PCDHGA3: variants seen among roughly 807,000 people sequenced by gnomAD.
PCDHGA3 encodes protocadherin gamma-A3.
In PCDHGA3, 40 loss-of-function variants were observed where a neutral mutation model predicts 58.5. The observed-to-expected ratio is 0.68, with a 90% CI of 0.53 to 0.89. PCDHGA3 has a LOEUF of 0.89. Ranked by LOEUF, PCDHGA3 falls within the 40% of genes least tolerant of loss-of-function variation. The probability of loss-of-function intolerance (pLI) is 0.00; values close to 1 mark genes in which losing one functional copy is unlikely to be tolerated. For synonymous variants in PCDHGA3, 530 were observed against 525.7 expected, an observed-to-expected ratio of 1.01 and a Z score of -0.11; for missense variants, 1,223 against 1,195.9, an observed-to-expected ratio of 1.02 and a Z score of -0.33.
At chr5:141,413,716 C>T in intron 1 of PCDHGA3, 2 of 1,613,608 alleles carry the variant, frequency 1.2e-6, no homozygotes, top group Non-Finnish European at 1.7e-6. Flanking sequence ...CCCCAATAAG[C>T]ACTTCTCCCT....
At chr5:141,423,354 C>A in intron 1 of PCDHGA3, 1 of 1,614,202 alleles carries the variant, frequency 6.2e-7, no homozygotes. Context: ...TGGTCTTTGT[C>A]ATCGTGCTGC....
chr5:141,429,387 TAA>T (rs11410533), intron 1 of PCDHGA3, among the ~76,000 whole-genome samples: 155 of 151,446 alleles, frequency 1.0e-3, no homozygotes, highest in African/African-American at 3.5e-3. Flanking sequence ...GTTTTTTTTT[TAA>T]AAAAAATTGA....
chr5:141,350,561 C>G (rs1208651808), intron 1 of PCDHGA3: 1 of 1,614,010 alleles, frequency 6.2e-7, no homozygotes. Flanking sequence ...TGAGTGTGCA[C>G]TAGAATTCGA....
chr5:141,473,431 G>A (rs541546681), intron 1 of PCDHGA3, among the ~76,000 whole-genome samples: 10 of 152,266 alleles, frequency 6.6e-5, no homozygotes, highest in Non-Finnish European at 1.3e-4. Flanking sequence ...CAGATACTTT[G>A]CTTATGCAAA....
At chr5:141,427,733 C>T (rs2097062553) in intron 1 of PCDHGA3, 2 of 1,200,562 alleles carry the variant, frequency 1.7e-6, no homozygotes, top group East Asian at 4.7e-5. Context: ...GGCTGAATGG[C>T]CAAGTCTCCT....
rs73279071 is a variant in PCDHGA3 at position 141,386,620 on chromosome 5, C to G, written c.2424+40163C>G. 8.3e-3 allele frequency among the ~76,000 whole-genome samples: 1,265 copies of G among 151,666 alleles called. 17 individuals carry two copies. The highest frequency in any genetic ancestry group is 0.029 in the African/African-American group (1,203 of 41,334). On this transcript the variant is annotated intron_variant, in intron 1 of 3. Transcript: ENST00000253812. ...ATTTTTTTTTTTTGACATGGAGTCTCGCTCTGTCACCCAGGCTGGATACAT... is the reference window on the plus strand; with the variant it reads ...ATTTTTTTTTTTTGACATGGAGTCTGGCTCTGTCACCCAGGCTGGATACAT...
intron 1 of PCDHGA3, chr5:141,376,519 T>C (rs1281722134): frequency 1.2e-6 from 2 of 1,613,930 alleles, no homozygotes; most frequent in Non-Finnish European, 1.7e-6. Context: ...TGAGTTTCTT[T>C]CCGCCTAAGC....
At chr5:141,419,741 A>G (rs769795920) in intron 1 of PCDHGA3, 1 of 1,613,856 alleles carries the variant, frequency 6.2e-7, no homozygotes. Context: ...CGAGGTGCGC[A>G]TGGTGCGTGC....
At chr5:141,356,667 C>CGG in intron 1 of PCDHGA3, 1 of 1,614,038 alleles carries the variant, frequency 6.2e-7, no homozygotes, top group Non-Finnish European at 8.5e-7. Context: ...GAATCACTTA[C>CGG]TCCCTGGCCG....
chr5:141,441,823 C>A (rs538052540), intron 1 of PCDHGA3: 6 of 357,336 alleles, frequency 1.7e-5, no homozygotes, highest in South Asian at 7.1e-5. Flanking sequence ...AGCTCTGGAG[C>A]GCAATGGCTT....
At chr5:141,408,202 G>C (rs778320550) in intron 1 of PCDHGA3, 8 of 1,549,950 alleles carry the variant, frequency 5.2e-6, no homozygotes, top group South Asian at 3.6e-5. Context: ...CCGAGCGAAC[G>C]ATGGGAGGGA....
At chr5:141,427,693 C>G in intron 1 of PCDHGA3, 1 of 909,726 alleles carries the variant, frequency 1.1e-6, no homozygotes, top group Non-Finnish European at 1.8e-6. Flanking sequence ...GCCTCCATCC[C>G]ACAAGTCAGC....
Position 141,345,655 on chromosome 5 carries a change from C to T in PCDHGA3, c.1622C>T (p.Pro541Leu), listed in dbSNP as rs575946421. Residue 541 changes from proline to leucine, a missense_variant, in exon 1 of 4, where the codon CCA (proline) becomes CTA (leucine). By Grantham distance (98) the Pro-to-Leu change is moderately conservative. This residue lies in a region of PCDHGA3 where 791 missense variants were observed against 708.5 expected (regional missense o/e 1.12). Transcript: ENST00000253812. ...LVTASDSGNP[P>L]LSSNVSLNLF... ...ACAGCCAGCGACAGCGGGAACCCTC[C>T]ACTCAGCAGCAACGTGTCGCTGAAC... The T allele has an allele frequency of 1.2e-6, 2 of 1,614,246 alleles. No homozygotes were observed. The highest frequency in any genetic ancestry group is 1.3e-5 in the African/African-American group (1 of 75,062).
At chr5:141,366,612 C>A (rs780105196) in intron 1 of PCDHGA3, 3 of 1,614,118 alleles carry the variant, frequency 1.9e-6, no homozygotes, top group African/African-American at 1.3e-5. Flanking sequence ...TCCCTCACCG[C>A]GGACTCGAGG....
intron 1 of PCDHGA3, among the ~76,000 whole-genome samples, chr5:141,397,685 G>A (rs1471845356): frequency 6.6e-6 from 1 of 152,218 alleles, no homozygotes; most frequent in Non-Finnish European, 1.5e-5. Flanking sequence ...ATGCAGGTTT[G>A]TATAAAAACC....
At chr5:141,372,786 TC>T in intron 1 of PCDHGA3, 1 of 1,605,598 alleles carries the variant, frequency 6.2e-7, no homozygotes, top group Non-Finnish European at 8.5e-7. Context: ...AGAAATGCCT[TC>T]TAATTCAGGC....
intron 1 of PCDHGA3, chr5:141,419,843 C>T: frequency 6.2e-7 from 1 of 1,614,070 alleles, no homozygotes; most frequent in Non-Finnish European, 8.5e-7. Flanking sequence ...CACGCTGCAC[C>T]TGGTGTTCGC....
chr5:141,362,114 T>A, intron 1 of PCDHGA3: 2 of 1,613,988 alleles, frequency 1.2e-6, no homozygotes, highest in Non-Finnish European at 1.7e-6. Context: ...ACGGCCACGC[T>A]GCACCTAATC....
chr5:141,463,938 T>A (rs1378018670), intron 1 of PCDHGA3, among the ~76,000 whole-genome samples: 3 of 152,168 alleles, frequency 2.0e-5, no homozygotes, highest in Non-Finnish European at 4.4e-5. Context: ...TATAAATTTA[T>A]AGAAATCTTC....
Sources: gnomAD v4.1 joint callset for allele counts (sites outside exome capture counted in the v4.1 genomes callset) on GRCh38, gnomAD v4.1.1 for gene constraint, gnomAD v4.1.1 regional missense constraint, MANE v1.5 for transcripts, NCBI Gene and HGNC (gene_info 2026-07-23, HGNC 2026-07-21) for gene names.